The following PLXNC1 variants were observed in gnomAD, a reference collection of about 807,000 sequenced individuals.
PLXNC1 encodes plexin C1.
Under a neutral mutation model 178.2 loss-of-function variants are expected in PLXNC1, and 75 were observed. The ratio of observed to expected loss-of-function variants is 0.42; its 90% CI spans 0.35 to 0.51. The LOEUF is 0.51. Ranked by LOEUF, PLXNC1 falls within the 20% of genes least tolerant of loss-of-function variation. The probability of loss-of-function intolerance (pLI) is 0.02; values close to 1 mark genes in which losing one functional copy is unlikely to be tolerated. For missense variants in PLXNC1, 1,503 were observed against 1,984.4 expected, an observed-to-expected ratio of 0.76 and a Z score of 4.61; for synonymous variants, 790 against 779.9, an observed-to-expected ratio of 1.01 and a Z score of -0.22.
Position 94,307,659 on chromosome 12 carries a change from A to AT in PLXNC1, c.*2378dup, listed in dbSNP as rs1969198188. 1 of 147,888 alleles carries AT rather than the reference A, an allele frequency of 6.8e-6. No individual in the cohort carries two copies. Among genetic ancestry groups the AT allele is most frequent in the Admixed American group, 6.9e-5 (1 of 14,526 alleles). 9.2% of individuals were successfully genotyped at this position (147,888 alleles called of 1,614,324 possible). Reference sequence around the variant, plus strand: ...AAATGTCTATATCCAAAAAATAAACATTTTGATGTAACTGTGGACTGTCTT... The same window carrying AT: ...AAATGTCTATATCCAAAAAATAAACATTTTTGATGTAACTGTGGACTGTCTT... On this transcript the variant is annotated 3_prime_UTR_variant, in exon 31 of 31. Transcript: ENST00000258526.
chr12:94,153,176 G>A (rs911646295), intron 1 of PLXNC1, among the ~76,000 whole-genome samples: 4 of 152,344 alleles, frequency 2.6e-5, no homozygotes, highest in Admixed American at 1.3e-4. Flanking sequence ...GCTTGCTCAA[G>A]ATAGTTAAGT....
chr12:94,283,664 T>C lies in PLXNC1; in HGVS notation c.3879+1263T>C, dbSNP rs1036731229. 5.3e-5 allele frequency among the ~76,000 whole-genome samples: 8 copies of C among 152,272 alleles called. No individual in the cohort carries two copies. The East Asian group carries it at 1.5e-3, about 29-fold the overall frequency. On this transcript the variant is annotated intron_variant, in intron 23 of 30. Transcript: ENST00000258526. ...CCAGTGAGCCAGGAGTGCTGATTGG[T>C]CAGGTCAGAGATGAAATCATAGGAA... is the stretch of plus-strand genomic sequence containing the variant.
chr12:94,280,054 C>T (rs1386610666), intron 22 of PLXNC1: 3 of 347,254 alleles, frequency 8.6e-6, no homozygotes, highest in African/African-American at 4.3e-5. Flanking sequence ...CGTGTCATTA[C>T]TGGGTGGCTC....
At chr12:94,206,812 A>C (rs1162624562) in intron 4 of PLXNC1, among the ~76,000 whole-genome samples, 1 of 152,224 alleles carries the variant, frequency 6.6e-6, no homozygotes, top group Admixed American at 6.5e-5. Context: ...AGCCATTAAG[A>C]TATCAGCCTA....
chr12:94,182,859 G>GTATCTATC (rs59933010), intron 3 of PLXNC1, among the ~76,000 whole-genome samples: 14,230 of 143,426 alleles, frequency 0.099, 869 homozygotes, highest in Non-Finnish European at 0.12. Flanking sequence ...AAGAATATCT[G>GTATCTATC]TATCTATCTA....
intron 1 of PLXNC1, among the ~76,000 whole-genome samples, chr12:94,153,074 A>C (rs962940253): frequency 2.6e-5 from 4 of 152,190 alleles, no homozygotes; most frequent in African/African-American, 9.7e-5. Context: ...TTCCACATGT[A>C]TTATTTCTTT....
At chr12:94,247,879 A>C in intron 12 of PLXNC1, 24 bp from the exon 13 acceptor site, 2 of 1,608,314 alleles carry the variant, frequency 1.2e-6, no homozygotes, top group Non-Finnish European at 1.7e-6. Context: ...AAAGTTACTA[A>C]AACATTCTTT....
At chr12:94,223,464 G>C (rs2136023693) in intron 6 of PLXNC1, among the ~76,000 whole-genome samples, 1 of 152,302 alleles carries the variant, frequency 6.6e-6, no homozygotes, top group East Asian at 1.9e-4. Flanking sequence ...GTCCACCCCA[G>C]GCTTGCTAAA....
intron 11 of PLXNC1, among the ~76,000 whole-genome samples, chr12:94,241,957 C>G (rs1592801160): frequency 6.8e-6 from 1 of 146,408 alleles, no homozygotes; most frequent in African/African-American, 2.6e-5. Context: ...CTAGGTAAAC[C>G]TACAGACAAA....
chr12:94,232,585 G>A (rs1004507724), intron 9 of PLXNC1, among the ~76,000 whole-genome samples: 3 of 152,154 alleles, frequency 2.0e-5, no homozygotes, highest in African/African-American at 7.2e-5. Flanking sequence ...AAATTTGTTT[G>A]CTGAGCAACT....
intron 1 of PLXNC1, among the ~76,000 whole-genome samples, chr12:94,156,477 C>CTTTTTTTTTTTTTTTTTTTTTTT (rs33995488): frequency 2.9e-5 from 4 of 140,176 alleles, no homozygotes; most frequent in African/African-American, 5.3e-5. Context: ...CACTGTCTAT[C>CTTTTTTTTTTTTTTTTTTTTTTT]TTTTTTTTTT....
At chr12:94,251,282 G>A (rs1262290107) in intron 14 of PLXNC1, 144 bp from the exon 15 acceptor site, 2 of 615,922 alleles carry the variant, frequency 3.2e-6, no homozygotes, top group Non-Finnish European at 5.9e-6. Flanking sequence ...TAGCTAATCT[G>A]CCACAGAAAT....
intron 9 of PLXNC1, 24 bp from the exon 10 acceptor site, chr12:94,237,640 G>A (rs1565824085): frequency 6.9e-6 from 11 of 1,605,378 alleles, no homozygotes; most frequent in East Asian, 2.2e-5. Context: ...TTGATCTCCT[G>A]TTTTAATCTT....
chr12:94,215,766 C>T (rs796679223), intron 5 of PLXNC1, among the ~76,000 whole-genome samples: 38 of 151,928 alleles, frequency 2.5e-4, no homozygotes, highest in African/African-American at 7.5e-4. Context: ...ACTATGGAAA[C>T]GTAATTTCAT....
chr12:94,201,006 C>G (rs552700584), intron 4 of PLXNC1, among the ~76,000 whole-genome samples: 3 of 152,168 alleles, frequency 2.0e-5, no homozygotes, highest in Non-Finnish European at 4.4e-5. Context: ...TTTAAAATTT[C>G]CTTGTTAATC....
chr12:94,185,370 G>A (rs1397101823), intron 3 of PLXNC1, among the ~76,000 whole-genome samples: 1 of 152,208 alleles, frequency 6.6e-6, no homozygotes, highest in African/African-American at 2.4e-5. Context: ...TGCTAAAGAA[G>A]TTATTTATAC....
chr12:94,238,726 ATGC>A (rs1306467385), intron 10 of PLXNC1, among the ~76,000 whole-genome samples: 1 of 152,220 alleles, frequency 6.6e-6, no homozygotes, highest in Middle Eastern at 3.2e-3. Context: ...CTAATCTGCT[ATGC>A]TTATTTACTG....
chr12:94,181,709 C>A, intron 3 of PLXNC1, 129 bp downstream of exon 3: 2 of 729,754 alleles, frequency 2.7e-6, no homozygotes, highest in Non-Finnish European at 2.3e-6. Flanking sequence ...TTGAGGAGAC[C>A]CGCAGTGGTT....
chr12:94,306,280 A>G lies in PLXNC1; in HGVS notation c.*995A>G, dbSNP rs187835052. 2.7e-4 allele frequency: 41 copies of G among 152,056 alleles called. No homozygotes were observed. The highest frequency in any genetic ancestry group is 8.2e-4 in the African/African-American group (34 of 41,536). 9.4% of individuals were successfully genotyped at this position (152,056 alleles called of 1,614,324 possible). The stretch of plus-strand genomic sequence containing the variant: ...ATCGAATTGCTGTTCACACTGGAGT[A>G]TTATATATAAATATATATATTTGAG... On this transcript the variant is annotated 3_prime_UTR_variant, in exon 31 of 31. Transcript: ENST00000258526.
Sources: gnomAD v4.1 joint callset for allele counts (sites outside exome capture counted in the v4.1 genomes callset) on GRCh38, gnomAD v4.1.1 for gene constraint, MANE v1.5 for transcripts, NCBI Gene and HGNC (gene_info 2026-07-23, HGNC 2026-07-21) for gene names.